Variants in BRD7 observed in about 807,000 individuals in gnomAD.
BRD7 encodes bromodomain-containing protein 7.
Under a neutral mutation model 82.1 loss-of-function variants are expected in BRD7, and 15 were observed. The observed-to-expected ratio is 0.18, with a 90% CI of 0.12 to 0.28. The LOEUF (loss-of-function observed/expected upper bound fraction) is 0.28, where lower values mean the gene tolerates loss of function less well. Ranked by LOEUF, BRD7 falls within the 10% of genes least tolerant of loss-of-function variation. BRD7 has a pLI of 1.00. For missense variants in BRD7, 638 were observed against 779.9 expected (o/e 0.82, Z 2.17); for synonymous variants, 232 against 266.9 (o/e 0.87, Z 1.27).
At chr16:50,323,524 C>T (rs2037207170) in intron 12 of BRD7, 63 bp downstream of exon 12, 13 of 1,283,162 alleles carry the variant, frequency 1.0e-5, no homozygotes, top group South Asian at 2.4e-5. Flanking sequence ...TTTCATTATA[C>T]TGAATGACTA....
intron 2 of BRD7, among the ~76,000 whole-genome samples, chr16:50,357,206 C>T (rs952472183): frequency 6.6e-6 from 1 of 152,168 alleles, no homozygotes; most frequent in African/African-American, 2.4e-5. Flanking sequence ...AGAATTTGTA[C>T]TTTCTAACAA....
intron 7 of BRD7, 150 bp from the exon 8 acceptor site, chr16:50,333,847 G>C: frequency 1.5e-6 from 1 of 665,676 alleles, no homozygotes; most frequent in East Asian, 2.8e-5. Flanking sequence ...GACCTGTTAA[G>C]GGTCTCTAAT....
At chr16:50,353,147 T>C (rs960967652) in intron 4 of BRD7, among the ~76,000 whole-genome samples, 6 of 151,446 alleles carry the variant, frequency 4.0e-5, no homozygotes, top group African/African-American at 1.2e-4. Context: ...CAGCTCACTG[T>C]AGCCTCAACC....
Position 50,331,696 on chromosome 16 carries a change from C to T in BRD7, c.1011+1878G>A, listed in dbSNP as rs28802727. On this transcript the variant is annotated intron_variant, in intron 8 of 16. Coordinates refer to ENST00000394688, the MANE Select transcript of BRD7 (RefSeq NM_013263.5). ...TCCAGCCTGGGCGACAGAGTGACAC[C>T]CTGTCTCAAAATCAAACCAAACCAA... Among the ~76,000 whole-genome samples the T allele has an allele frequency of 2.7e-3, 412 of 152,160 alleles. 1 individual carries two copies. Among genetic ancestry groups the T allele is most frequent in the African/African-American group, 9.3e-3 (384 of 41,508 alleles).
At chr16:50,346,238 C>T (rs2038277605) in intron 5 of BRD7, among the ~76,000 whole-genome samples, 1 of 152,170 alleles carries the variant, frequency 6.6e-6, no homozygotes, top group African/African-American at 2.4e-5. Context: ...AAACACACAA[C>T]ATACCAGAAT....
chr16:50,350,057 T>A lies in BRD7; in HGVS notation c.557A>T (p.Lys186Met). 2 of 1,604,126 alleles carry A rather than the reference T, an allele frequency of 1.2e-6. No homozygotes were observed. The highest frequency in any genetic ancestry group is 1.7e-6 in the Non-Finnish European group (2 of 1,177,038). The change falls in exon 5 of 17, where the codon AAG becomes ATG. Residue 186 changes from lysine (K) to methionine (M), a missense_variant. Physicochemically the swap from Lys to Met is moderately conservative, Grantham distance 95. This residue lies in a region of BRD7 where 64 missense variants were observed against 123.8 expected (regional missense o/e 0.52). Transcript: ENST00000394688. The part of the protein sequence containing the change: ...MDFSTMKEKI[K>M]NNDYQSIEEL... ...TTCTATGGACTGATAGTCATTGTTC[T>A]TGATCTTTTCTTTCATGGTACTAAA...
At chr16:50,364,959 A>T (rs555756987) in intron 2 of BRD7, among the ~76,000 whole-genome samples, 1 of 152,370 alleles carries the variant, frequency 6.6e-6, no homozygotes, top group African/African-American at 2.4e-5. Context: ...CGGAACAAAG[A>T]GCACGTAAGA....
intron 2 of BRD7, among the ~76,000 whole-genome samples, chr16:50,357,234 G>A (rs1206314284): frequency 6.6e-6 from 1 of 152,126 alleles, no homozygotes; most frequent in Non-Finnish European, 1.5e-5. Context: ...GGCCATGTGG[G>A]TGTTGCTGGT....
chr16:50,320,535 A>G, intron 14 of BRD7, 128 bp downstream of exon 14: 1 of 1,408,170 alleles, frequency 7.1e-7, no homozygotes, highest in Non-Finnish European at 1.0e-6. Flanking sequence ...CGCCATACCC[A>G]TTCATTTAAC....
chr16:50,351,837 TG>T (rs2038539511), intron 4 of BRD7, among the ~76,000 whole-genome samples: 1 of 89,512 alleles, frequency 1.1e-5, no homozygotes, highest in Non-Finnish European at 2.1e-5. Flanking sequence ...TATCCTTGTA[TG>T]TATGTATGTA....
intron 2 of BRD7, among the ~76,000 whole-genome samples, chr16:50,357,915 G>C (rs2038799491): frequency 6.6e-6 from 1 of 152,146 alleles, no homozygotes; most frequent in Non-Finnish European, 1.5e-5. Flanking sequence ...CGTAGGTAGA[G>C]GTTGCAGTGA....
chr16:50,327,690 A>G (rs2037395966), intron 9 of BRD7, among the ~76,000 whole-genome samples: 1 of 152,162 alleles, frequency 6.6e-6, no homozygotes, highest in Non-Finnish European at 1.5e-5. Flanking sequence ...CCTGACCCCC[A>G]AACACTAGGT....
chr16:50,330,309 G>A (rs1000015838), intron 8 of BRD7, among the ~76,000 whole-genome samples: 3 of 150,504 alleles, frequency 2.0e-5, no homozygotes, highest in Non-Finnish European at 2.9e-5. Context: ...AATCTAATAA[G>A]GAAACAAGTT....
intron 6 of BRD7, among the ~76,000 whole-genome samples, chr16:50,336,487 G>A (rs56275009): frequency 0.18 from 27,370 of 152,100 alleles, 2,941 homozygotes; most frequent in Admixed American, 0.26. Flanking sequence ...GCTTGAACCC[G>A]GGAGGCAGAG....
chr16:50,362,606 C>T (rs2038974279), intron 2 of BRD7, among the ~76,000 whole-genome samples: 1 of 152,142 alleles, frequency 6.6e-6, no homozygotes. Flanking sequence ...AATGGAGTAG[C>T]AATTAGCCTT....
intron 6 of BRD7, among the ~76,000 whole-genome samples, 164 bp downstream of exon 6, chr16:50,339,810 TTC>T (rs1476665102): frequency 2.6e-5 from 4 of 152,170 alleles, no homozygotes; most frequent in African/African-American, 4.8e-5. Context: ...CTTAATTTTC[TTC>T]TCTTTATTAA....
chr16:50,331,855 C>T (rs1597041243), intron 8 of BRD7, among the ~76,000 whole-genome samples: 3 of 152,218 alleles, frequency 2.0e-5, no homozygotes, highest in Admixed American at 6.5e-5. Context: ...ATACAACCGA[C>T]TGATCTTTGA....
chr16:50,368,303 A>T lies in BRD7; in HGVS notation c.50-5T>A. 6.2e-7 allele frequency: 1 copy of T among 1,610,716 alleles called. No homozygotes were observed. Among genetic ancestry groups the T allele is most frequent in the Non-Finnish European group, 8.5e-7 (1 of 1,179,182 alleles). ...TCAAGGGCTTCTCTACATACTCTTA[A>T]AAAAAGAAAAGAAAAGAAAGGAAAG... is the stretch of plus-strand genomic sequence containing the variant. On this transcript the variant is annotated splice_region_variant and splice_polypyrimidine_tract_variant and intron_variant, in intron 1 of 16. Transcript: ENST00000394688.
At chr16:50,344,668 T>C (rs1302306614) in intron 5 of BRD7, among the ~76,000 whole-genome samples, 1 of 152,134 alleles carries the variant, frequency 6.6e-6, no homozygotes, top group Non-Finnish European at 1.5e-5. Flanking sequence ...AGGGTATCAA[T>C]GATTGAAGAT....
Sources: gnomAD v4.1 joint callset for allele counts (sites outside exome capture counted in the v4.1 genomes callset) on GRCh38, gnomAD v4.1.1 for gene constraint, gnomAD v4.1.1 regional missense constraint, MANE v1.5 for transcripts, NCBI Gene and HGNC (gene_info 2026-07-23, HGNC 2026-07-21) for gene names.